SLC44A4: variants seen among roughly 807,000 people sequenced by gnomAD.
SLC44A4 encodes choline transporter-like protein 4.
A neutral mutation model predicts 97.0 loss-of-function variants in SLC44A4; 74 were observed. That is an observed-to-expected ratio of 0.76 (90% CI 0.63 to 0.93). SLC44A4 has a LOEUF of 0.93. SLC44A4 is among the 40% of genes least tolerant of loss of function. The pLI is 0.00. For missense variants in SLC44A4, 799 were observed against 902.9 expected, an observed-to-expected ratio of 0.88 and a Z score of 1.48; for synonymous variants, 325 against 363.8, an observed-to-expected ratio of 0.89 and a Z score of 1.21.
chr6:31,869,271 A>G lies in SLC44A4; in HGVS notation c.1131-14T>C. ...GTAGCCAGGTACCCAGAGGGGAGTC[A>G]AGGAAAGCATGATCACACGAGGTCT... On this transcript the variant is annotated splice_polypyrimidine_tract_variant and intron_variant, in intron 12 of 20. Coordinates refer to ENST00000229729, the MANE Select transcript of SLC44A4 (RefSeq NM_025257.3). 1 of 1,589,456 alleles carries G rather than the reference A, an allele frequency of 6.3e-7. No individual in the cohort carries two copies. Among genetic ancestry groups the G allele is most frequent in the Non-Finnish European group, 8.6e-7 (1 of 1,166,000 alleles).
In SLC44A4 at chr6:31,878,278, C is replaced by G. The variant is rs1763562392; in HGVS notation, c.40+663G>C. Among the ~76,000 whole-genome samples the G allele has an allele frequency of 6.6e-6, 1 of 151,950 alleles. No homozygotes were observed. The highest frequency in any genetic ancestry group is 6.5e-5 in the Admixed American group (1 of 15,276). On this transcript the variant is annotated intron_variant, in intron 1 of 20. Transcript: ENST00000229729. This position sits in a 1 kb window ranked among gnomAD's most constrained non-coding sequence, Gnocchi z 4.0. The stretch of plus-strand genomic sequence containing the variant: ...AGTACCCCAAGACCAGCTCCTGCTC[C>G]TAGCTCCTCACAGAGACCCCTAGGC...
intron 4 of SLC44A4, among the ~76,000 whole-genome samples, chr6:31,875,382 A>G (rs924253017): frequency 1.3e-5 from 2 of 152,228 alleles, no homozygotes; most frequent in Non-Finnish European, 2.9e-5. Context: ...TTGTGTGTGT[A>G]AAGTTTACTG....
Position 31,877,721 on chromosome 6 carries a change from C to G in SLC44A4, c.41-639G>C, listed in dbSNP as rs534427330. The G allele has an allele frequency of 8.3e-4, 564 of 682,414 alleles. 1 individual carries two copies. Among genetic ancestry groups the G allele is most frequent in the Non-Finnish European group, 9.5e-4 (525 of 553,044 alleles). The allele number at this position is 682,414 out of a possible 1,614,324, so 42.3% of individuals were successfully genotyped here. A position where few individuals can be genotyped will look rare whatever the true frequency, so the allele number is the denominator to read the frequency against. On this transcript the variant is annotated intron_variant, in intron 1 of 20. Transcript: ENST00000229729. The surrounding 1 kb of genome is among the most constrained non-coding windows in gnomAD (Gnocchi z 6.5). ...CTCTGGGCCAGCAGTCAGAGTGACA[C>G]CTGAGCCCAGCCATAGAGATTGCAG...
Position 31,870,718 on chromosome 6 carries a change from C to A in SLC44A4, c.938-16G>T. The A allele has an allele frequency of 6.2e-7, 1 of 1,611,278 alleles. No homozygotes were observed. The highest frequency in any genetic ancestry group is 8.5e-7 in the Non-Finnish European group (1 of 1,179,080). ...AACACGATCACTGCAGAGGACGGGG[C>A]AGACAGACCTAGGTCAGGGCCAGGG... On this transcript the variant is annotated splice_polypyrimidine_tract_variant and intron_variant, in intron 10 of 20. Transcript: ENST00000229729.
Position 31,878,354 on chromosome 6 carries a change from G to A in SLC44A4, c.40+587C>T, listed in dbSNP as rs183905597. On this transcript the variant is annotated intron_variant, in intron 1 of 20. Transcript: ENST00000229729. The surrounding 1 kb of genome is among the most constrained non-coding windows in gnomAD (Gnocchi z 4.0). ...GACCCTCAGCCCCAACTCCTCACAG[G>A]GACCCCCAGCAGAACCCACTCCCTC... is the stretch of plus-strand genomic sequence containing the variant. Among the ~76,000 whole-genome samples the A allele has an allele frequency of 1.3e-3, 203 of 151,364 alleles. No individual in the cohort carries two copies. The highest frequency in any genetic ancestry group is 4.7e-3 in the African/African-American group (194 of 41,208).
Position 31,866,186 on chromosome 6 carries a change from G to A in SLC44A4, c.1234-60C>T, listed in dbSNP as rs961027295. 2.5e-6 allele frequency: 4 copies of A among 1,578,150 alleles called. No homozygotes were observed. The African/African-American group carries it at 4.1e-5, about 16-fold the overall frequency. On this transcript the variant is annotated intron_variant, in intron 13 of 20. Transcript: ENST00000229729. ...CATCGGGGGCCTCAGTATGGAGCCT[G>A]GGCGTCCCATTCCCAGTAGCTCCTG...
chr6:31,864,063 C>T (rs1043665258), intron 20 of SLC44A4, among the ~76,000 whole-genome samples: 1 of 145,206 alleles, frequency 6.9e-6, no homozygotes, highest in Non-Finnish European at 1.5e-5. Context: ...TCTAATGGCT[C>T]TTTTTTTTTT....
At chr6:31,869,520 G>A (rs1763034786) in intron 12 of SLC44A4, 25 bp downstream of exon 12, 2 of 1,567,524 alleles carry the variant, frequency 1.3e-6, no homozygotes, top group Non-Finnish European at 1.7e-6. Flanking sequence ...CTCCAAGAGT[G>A]GCTGGCTGCG....
chr6:31,871,106 C>T (rs1763150664), intron 9 of SLC44A4, 59 bp from the exon 10 acceptor site: 20 of 1,481,666 alleles, frequency 1.3e-5, no homozygotes, highest in Non-Finnish European at 1.8e-5. Flanking sequence ...TTTCCCCTTA[C>T]AGAGGCCCTC....
chr6:31,863,727 T>C lies in SLC44A4; in HGVS notation c.2033A>G (p.Asn678Ser). 1 of 1,612,792 alleles carries C rather than the reference T, an allele frequency of 6.2e-7. No homozygotes were observed. ...GTAGTAGGGCCGGTCCAGGGAGCCG[T>C]TGTTCCGCTCCAGGTCTTCCACTGA... ...LCFLEDLERN[N>S]GSLDRPYYMS... The change falls in exon 21 of 21, where the codon AAC (asparagine) becomes AGC (serine). Residue 678 changes from asparagine to serine, a missense_variant. Physicochemically the swap from Asn to Ser is conservative, Grantham distance 46 (BLOSUM62 1). Around this residue, in one of 3 missense-constraint regions of SLC44A4, gnomAD observed 379 missense variants for 438.3 expected, o/e 0.86. Transcript: ENST00000229729.
In SLC44A4 at chr6:31,865,609, C is replaced by T. The variant is rs1480238052; in HGVS notation, c.1583-8G>A. 2 of 1,605,772 alleles carry T rather than the reference C, an allele frequency of 1.2e-6. No homozygotes were observed. The highest frequency in any genetic ancestry group is 1.1e-5 in the South Asian group (1 of 90,814). ...CTACAGGGTTCTGCACTCCTGGGAG[C>T]GAGGAAGGCTCATGTTTGGTCACTG... On this transcript the variant is annotated splice_region_variant and splice_polypyrimidine_tract_variant and intron_variant, in intron 15 of 20. Coordinates refer to ENST00000229729, the MANE Select transcript of SLC44A4 (RefSeq NM_025257.3). The surrounding 1 kb of genome is among the most constrained non-coding windows in gnomAD (Gnocchi z 5.2).
chr6:31,878,894 C>G lies in SLC44A4; in HGVS notation c.40+47G>C. The G allele has an allele frequency of 1.2e-6, 2 of 1,601,236 alleles. No homozygotes were observed. The highest frequency in any genetic ancestry group is 1.7e-5 in the Admixed American group (1 of 59,964). On this transcript the variant is annotated intron_variant, in intron 1 of 20. Coordinates refer to ENST00000229729, the MANE Select transcript of SLC44A4 (RefSeq NM_025257.3). The surrounding 1 kb of genome is among the most constrained non-coding windows in gnomAD (Gnocchi z 4.0). ...CCCCAGACACCATTCCCAAAGTACC[C>G]GTCCTCCCCTCCCTCCACAGGGTCC...
Position 31,876,162 on chromosome 6 carries a change from A to T in SLC44A4, c.90-33T>A, listed in dbSNP as rs765610117. 7 of 1,587,638 alleles carry T rather than the reference A, an allele frequency of 4.4e-6. No individual in the cohort carries two copies. In the African/African-American group the frequency reaches 9.4e-5, roughly 21 times the overall value. On this transcript the variant is annotated intron_variant, in intron 2 of 20. Coordinates refer to ENST00000229729, the MANE Select transcript of SLC44A4 (RefSeq NM_025257.3). This position sits in a 1 kb window ranked among gnomAD's most constrained non-coding sequence, Gnocchi z 4.8. ...AGAAACGAAACGGGAGGCTGAGCTA[A>T]GGAGACTTGGGGAGGTAGGGCTTAT...
At chr6:31,872,762 T>C (rs1763240770) in intron 7 of SLC44A4, among the ~76,000 whole-genome samples, 1 of 152,222 alleles carries the variant, frequency 6.6e-6, no homozygotes, top group Non-Finnish European at 1.5e-5. Context: ...GTCAAGACCA[T>C]AGGGCTGGAA....
In SLC44A4 at chr6:31,877,747, G is replaced by GAACTCAACGTGCCTGCAAT; in HGVS notation, c.41-666_41-665insATTGCAGGCACGTTGAGTT. ...CTGAGCCCAGCCATAGAGATTGCAG[G>GAACTCAACGTGCCTGCAAT]CACGTTGAGTTCCTGGTCCTCCCTG... On this transcript the variant is annotated intron_variant, in intron 1 of 20. Transcript: ENST00000229729. The surrounding 1 kb of genome is among the most constrained non-coding windows in gnomAD (Gnocchi z 6.5). 1 of 422,276 alleles carries GAACTCAACGTGCCTGCAAT rather than the reference G, an allele frequency of 2.4e-6. No homozygotes were observed. Among genetic ancestry groups the GAACTCAACGTGCCTGCAAT allele is most frequent in the Non-Finnish European group, 3.2e-6 (1 of 315,328 alleles). The allele number at this position is 422,276 out of a possible 1,614,324, so 26.2% of individuals were successfully genotyped here. A position where few individuals can be genotyped will look rare whatever the true frequency, so the allele number is the denominator to read the frequency against.
At chr6:31,873,971 G>A (rs941107673) in intron 7 of SLC44A4, among the ~76,000 whole-genome samples, 1 of 152,044 alleles carries the variant, frequency 6.6e-6, no homozygotes, top group Non-Finnish European at 1.5e-5. Context: ...TTAGCCGGGC[G>A]TGGTGGCGGG....
Position 31,870,858 on chromosome 6 carries a change from G to C in SLC44A4, c.891C>G (p.Thr297=). 6.2e-7 allele frequency: 1 copy of C among 1,613,074 alleles called. No homozygotes were observed. The highest frequency in any genetic ancestry group is 1.1e-5 in the South Asian group (1 of 91,080). The part of the protein sequence containing the change: ...GASISQLGFT[T]NLSAYQSVQE... ...GCACGCTCTGGTAGGCACTGAGGTT[G>C]GTGGTGAAACCCAGCTGGGAGATGG... The change falls in exon 10 of 21, where the codon ACC becomes ACG. Residue 297 remains threonine (T), a synonymous_variant. Coordinates refer to ENST00000229729, the MANE Select transcript of SLC44A4 (RefSeq NM_025257.3).
At chr6:31,875,789 G>A in intron 4 of SLC44A4, 63 bp downstream of exon 4, 3 of 1,435,340 alleles carry the variant, frequency 2.1e-6, no homozygotes, top group South Asian at 1.3e-5. Flanking sequence ...GAGTTGGGGG[G>A]GTGTCTCCTG....
intron 4 of SLC44A4, 29 bp from the exon 5 acceptor site, chr6:31,875,057 A>C: frequency 1.9e-6 from 3 of 1,554,240 alleles, no homozygotes; most frequent in Non-Finnish European, 2.7e-6. Context: ...CATGTGCATC[A>C]GGGCCTGGTC....
Sources: allele counts gnomAD v4.1 joint callset (sites outside exome capture counted in the v4.1 genomes callset), GRCh38; gene constraint gnomAD v4.1.1; regional missense constraint gnomAD v4.1.1; non-coding constraint Gnocchi (gnomAD v3.1); transcripts MANE v1.5; gene names NCBI Gene and HGNC (gene_info 2026-07-23, HGNC 2026-07-21).